Variants in ASAP2 observed in about 807,000 individuals in gnomAD.
The protein encoded by ASAP2 is ArfGAP with SH3 domain, ankyrin repeat and PH domain 2, also known as arf-GAP with SH3 domain, ANK repeat and PH domain-containing protein 2.
In ASAP2, 45 loss-of-function variants were observed where a neutral mutation model predicts 131.4. That is an observed-to-expected ratio of 0.34 (90% CI 0.27 to 0.44). ASAP2 has a LOEUF of 0.44. Among genes scored for constraint, ASAP2 ranks in the 20% least tolerant of loss-of-function variants. ASAP2 has a pLI of 1.00. For missense variants in ASAP2, 1,011 were observed against 1,297.0 expected (o/e 0.78, Z 3.39); for synonymous variants, 510 against 503.0 (o/e 1.01, Z -0.19).
chr2:9,297,197 T>C, intron 2 of ASAP2, 103 bp from the exon 3 acceptor site: 2 of 1,392,778 alleles, frequency 1.4e-6, no homozygotes. Context: ...CTCAGATTTT[T>C]CTTCTGCTGA....
At position 9,215,702 on chromosome 2, in the gene ASAP2, C is replaced by T. The variant is rs974644862; in HGVS notation, c.126+8472C>T. On this transcript the variant is annotated intron_variant, in intron 1 of 27. Coordinates refer to ENST00000281419, the MANE Select transcript of ASAP2 (RefSeq NM_003887.3). ...TTTTTGGAGTGATGGATTCTTTAAC[C>T]ACTCTGTTTGTTAAATATAATTATT... Among the ~76,000 whole-genome samples the T allele has an allele frequency of 3.4e-5, 5 of 148,808 alleles. No individual in the cohort carries two copies. In the East Asian group the frequency reaches 5.9e-4, roughly 17 times the overall value.
At chr2:9,318,659 T>G in intron 4 of ASAP2, 61 bp downstream of exon 4, 1 of 1,242,948 alleles carries the variant, frequency 8.0e-7, no homozygotes. Context: ...TCACAGTAGC[T>G]TGGCCTGCCG....
chr2:9,347,482 C>T (rs559681706), intron 11 of ASAP2, among the ~76,000 whole-genome samples: 96 of 152,320 alleles, frequency 6.3e-4, no homozygotes, highest in African/African-American at 2.2e-3. Flanking sequence ...AGTCTAAGAG[C>T]AGAGCCTGGC....
At position 9,320,345 on chromosome 2, in the gene ASAP2, T is replaced by C. The variant is rs1246200216; in HGVS notation, c.470+8T>C. Reference sequence around the variant, plus strand: ...GGACTATGAAACAAAAATGTGAGTGTTCTCGTTTTTAAATTTACGTATAGG... The same window carrying C: ...GGACTATGAAACAAAAATGTGAGTGCTCTCGTTTTTAAATTTACGTATAGG... On this transcript the variant is annotated splice_region_variant and intron_variant, in intron 5 of 27. Transcript: ENST00000281419. The C allele has an allele frequency of 2.5e-6, 4 of 1,608,036 alleles. No homozygotes were observed. The highest frequency in any genetic ancestry group is 2.5e-6 in the Non-Finnish European group (3 of 1,176,846).
Position 9,389,699 on chromosome 2 carries a change from C to T in ASAP2, c.2383+1153C>T, listed in dbSNP as rs969953234. On this transcript the variant is annotated intron_variant, in intron 22 of 27. Transcript: ENST00000281419. This position sits in a 1 kb window ranked among gnomAD's most constrained non-coding sequence, Gnocchi z 4.7. ...ACTGAGTCATACCCCGAAGAACAAACCTGCTGAGAGCAGACCTTCCCCCAG... is the reference window on the plus strand; with the variant it reads ...ACTGAGTCATACCCCGAAGAACAAATCTGCTGAGAGCAGACCTTCCCCCAG... 2.0e-5 allele frequency among the ~76,000 whole-genome samples: 3 copies of T among 152,222 alleles called. No homozygotes were observed. The highest frequency in any genetic ancestry group is 2.9e-5 in the Non-Finnish European group (2 of 68,044).
At chr2:9,270,854 G>C (rs1211750452) in intron 1 of ASAP2, among the ~76,000 whole-genome samples, 1 of 136,628 alleles carries the variant, frequency 7.3e-6, no homozygotes, top group African/African-American at 2.7e-5. Flanking sequence ...GTGCAGTGGC[G>C]CGATCTCGGC....
intron 1 of ASAP2, among the ~76,000 whole-genome samples, chr2:9,224,489 G>A (rs1359394652): frequency 6.6e-6 from 1 of 152,118 alleles, no homozygotes; most frequent in African/African-American, 2.4e-5. Flanking sequence ...TCAAAGGATT[G>A]CTGTATGCCT....
At chr2:9,390,434 C>T (rs867741206) in intron 22 of ASAP2, among the ~76,000 whole-genome samples, 26 of 152,248 alleles carry the variant, frequency 1.7e-4, no homozygotes, top group Non-Finnish European at 2.9e-5. Context: ...CACCTGGGCC[C>T]TGTGCACCTG....
At position 9,324,947 on chromosome 2, in the gene ASAP2, T is replaced by C. The variant is rs555742005; in HGVS notation, c.600+1697T>C. 2.6e-5 allele frequency among the ~76,000 whole-genome samples: 4 copies of C among 152,362 alleles called. No individual in the cohort carries two copies. In the East Asian group the frequency reaches 5.8e-4, roughly 22 times the overall value. ...CTATTGATATGATTGGATTTACTTC[T>C]GTTATTTTACTTTTTTTTATGTCTG... On this transcript the variant is annotated intron_variant, in intron 6 of 27. Transcript: ENST00000281419.
At chr2:9,224,199 T>C (rs1662610038) in intron 1 of ASAP2, among the ~76,000 whole-genome samples, 1 of 151,978 alleles carries the variant, frequency 6.6e-6, no homozygotes, top group African/African-American at 2.4e-5. Context: ...GCCTAGTGAG[T>C]GACTGGTGCC....
chr2:9,330,921 T>C (rs1435888458), intron 7 of ASAP2, among the ~76,000 whole-genome samples: 1 of 152,108 alleles, frequency 6.6e-6, no homozygotes, highest in East Asian at 1.9e-4. Flanking sequence ...TGAGAGAGAG[T>C]GTGTACGCTG....
chr2:9,360,643 T>A (rs1258781186), intron 15 of ASAP2, among the ~76,000 whole-genome samples: 1 of 152,188 alleles, frequency 6.6e-6, no homozygotes, highest in African/African-American at 2.4e-5. Flanking sequence ...CCTAAGTGAA[T>A]TACTCAATGT....
rs989348569 is a variant in ASAP2 at position 9,311,364 on chromosome 2, A to G, written c.346-7160A>G. On this transcript the variant is annotated intron_variant, in intron 3 of 27. Coordinates refer to ENST00000281419, the MANE Select transcript of ASAP2 (RefSeq NM_003887.3). The surrounding 1 kb of genome is among the most constrained non-coding windows in gnomAD (Gnocchi z 5.2). ...GGGTGAGAGGCACTCTCTCAAAAAAAAAAAGAAAAAAAAAGTTTGCCTGCT... is the reference window on the plus strand; with the variant it reads ...GGGTGAGAGGCACTCTCTCAAAAAAGAAAAGAAAAAAAAAGTTTGCCTGCT... 1.3e-5 allele frequency among the ~76,000 whole-genome samples: 2 copies of G among 152,186 alleles called. No homozygotes were observed. Among genetic ancestry groups the G allele is most frequent in the Non-Finnish European group, 1.5e-5 (1 of 68,036 alleles).
chr2:9,366,410 A>G (rs772254159), intron 15 of ASAP2, among the ~76,000 whole-genome samples: 1 of 151,968 alleles, frequency 6.6e-6, no homozygotes. Context: ...GATTTTTGTC[A>G]CTCAACTTGG....
At chr2:9,401,431 G>A (rs769462909) in intron 27 of ASAP2, 35 bp downstream of exon 27, 1 of 1,606,686 alleles carries the variant, frequency 6.2e-7, no homozygotes, top group Non-Finnish European at 8.5e-7. Flanking sequence ...GTTCCTGGGG[G>A]CTGAGCCACG....
intron 3 of ASAP2, among the ~76,000 whole-genome samples, chr2:9,313,644 T>C (rs1423412872): frequency 6.6e-6 from 1 of 152,210 alleles, no homozygotes; most frequent in African/African-American, 2.4e-5. Flanking sequence ...CCGCACAGCA[T>C]TGGCTCCCAG....
At chr2:9,370,900 G>T (rs966596833) in intron 16 of ASAP2, among the ~76,000 whole-genome samples, 5 of 152,200 alleles carry the variant, frequency 3.3e-5, no homozygotes, top group African/African-American at 1.2e-4. Flanking sequence ...GTCATCTCCT[G>T]CTGTGCAGTT....
intron 3 of ASAP2, among the ~76,000 whole-genome samples, chr2:9,308,742 A>C (rs1669108903): frequency 6.6e-6 from 1 of 152,154 alleles, no homozygotes; most frequent in African/African-American, 2.4e-5. Context: ...TCCGCTGCTA[A>C]TAGTTGTGTG....
chr2:9,318,973 G>GGT (rs138509979), intron 4 of ASAP2, among the ~76,000 whole-genome samples: 2 of 152,200 alleles, frequency 1.3e-5, no homozygotes, highest in African/African-American at 4.8e-5. Context: ...TCCTAGCAAG[G>GGT]GTGTATTTTC....
Sources: allele counts gnomAD v4.1 joint callset (sites outside exome capture counted in the v4.1 genomes callset), GRCh38; gene constraint gnomAD v4.1.1; non-coding constraint Gnocchi (gnomAD v3.1); transcripts MANE v1.5; gene names NCBI Gene and HGNC (gene_info 2026-07-23, HGNC 2026-07-21).